AGAP1: variants seen among roughly 807,000 people sequenced by gnomAD.
AGAP1 encodes the protein arf-GAP with GTPase, ANK repeat and PH domain-containing protein 1.
AGAP1 carries 29 observed loss-of-function variants against 105.3 expected under a neutral mutation model. The observed-to-expected ratio is 0.28, with a 90% CI of 0.21 to 0.38. The LOEUF is 0.38. Ranked by LOEUF, AGAP1 falls within the 10% of genes least tolerant of loss-of-function variation. The pLI is 1.00. For missense variants in AGAP1, 998 were observed against 1,165.1 expected (o/e 0.86, Z 2.09); for synonymous variants, 509 against 485.9 (o/e 1.05, Z -0.63).
At chr2:235,516,945 C>G (rs886956471) in intron 1 of AGAP1, among the ~76,000 whole-genome samples, 2 of 152,234 alleles carry the variant, frequency 1.3e-5, no homozygotes, top group African/African-American at 4.8e-5. Context: ...TTTGGCCCTA[C>G]AGGGTAGATC....
At chr2:235,619,759 C>T (rs989369054) in intron 1 of AGAP1, among the ~76,000 whole-genome samples, 10 of 152,220 alleles carry the variant, frequency 6.6e-5, no homozygotes, top group Admixed American at 2.0e-4. Flanking sequence ...CCAGCTTCGG[C>T]GCCCGAATTG....
In AGAP1 at chr2:235,854,110, G is replaced by A. The variant is rs140188952; in HGVS notation, c.1051-29235G>A. Among the ~76,000 whole-genome samples, 917 of 152,286 alleles carry A rather than the reference G, an allele frequency of 6.0e-3. 2 individuals are homozygous for A. The highest frequency in any genetic ancestry group is 0.014 in the Middle Eastern group (4 of 294). On this transcript the variant is annotated intron_variant, in intron 9 of 17. Transcript: ENST00000304032. ...TAAAATCCAAATACTCAGCTAGAGA[G>A]AGTGGAGCCGCTGTGTTGAGACAGG... is the stretch of plus-strand genomic sequence containing the variant.
chr2:235,598,452 C>T (rs180997581), intron 1 of AGAP1, among the ~76,000 whole-genome samples: 1 of 152,304 alleles, frequency 6.6e-6, no homozygotes, highest in East Asian at 1.9e-4. Flanking sequence ...AGGAGCTTAA[C>T]TCTTGTTTAT....
In AGAP1 at chr2:235,566,505, G is replaced by A; in HGVS notation, c.163+71656G>A. The A allele has an allele frequency of 1.1e-5, 10 of 877,244 alleles. No individual in the cohort carries two copies. The South Asian group carries it at 2.6e-4, about 23-fold the overall frequency. The allele number at this position is 877,244 out of a possible 1,614,324, so 54.3% of individuals were successfully genotyped here. A position where few individuals can be genotyped will look rare whatever the true frequency, so the allele number is the denominator to read the frequency against. ...ATTTCCAGATAAGCATTCATAAACA[G>A]TGAAAAGCACAAATCATCAGTGCGC... On this transcript the variant is annotated intron_variant, in intron 1 of 17. Transcript: ENST00000304032. This position sits in a 1 kb window ranked among gnomAD's most constrained non-coding sequence, Gnocchi z 5.2.
chr2:236,111,495 TA>T (rs34157824), intron 16 of AGAP1, among the ~76,000 whole-genome samples: 14,977 of 128,404 alleles, frequency 0.12, 2,436 homozygotes, highest in African/African-American at 0.36. Context: ...GACCCTGTCT[TA>T]AAAAAAAAAA....
rs1197861183 is a variant in AGAP1 at position 235,879,910 on chromosome 2, A to G, written c.1051-3435A>G. 6.6e-6 allele frequency among the ~76,000 whole-genome samples: 1 copy of G among 152,064 alleles called. No homozygotes were observed. The highest frequency in any genetic ancestry group is 2.4e-5 in the African/African-American group (1 of 41,398). On this transcript the variant is annotated intron_variant, in intron 9 of 17. Coordinates refer to ENST00000304032, the MANE Select transcript of AGAP1 (RefSeq NM_001037131.3). The surrounding 1 kb of genome is among the most constrained non-coding windows in gnomAD (Gnocchi z 5.0). Reference sequence around the variant, plus strand: ...AATTGCATCAGTACACTGCACTCCAACCTGGGCAACAGAGCGAGACCTTAT... The same window carrying G: ...AATTGCATCAGTACACTGCACTCCAGCCTGGGCAACAGAGCGAGACCTTAT...
intron 11 of AGAP1, among the ~76,000 whole-genome samples, chr2:235,923,807 G>T (rs2125116796): frequency 6.6e-6 from 1 of 152,294 alleles, no homozygotes; most frequent in Non-Finnish European, 1.5e-5. Flanking sequence ...CCTACTTTTT[G>T]GTGGCCATGT....
At chr2:235,836,388 G>A (rs1471011138) in intron 9 of AGAP1, among the ~76,000 whole-genome samples, 1 of 152,200 alleles carries the variant, frequency 6.6e-6, no homozygotes, top group African/African-American at 2.4e-5. Flanking sequence ...GGGGCCGATA[G>A]AGGAGAAACA....
rs1265920633 is a variant in AGAP1 at position 236,008,279 on chromosome 2, G to A, written c.1646-28282G>A. On this transcript the variant is annotated intron_variant, in intron 13 of 17. Transcript: ENST00000304032. ...CTGTTGTCATATACCCAGAAGTAGG[G>A]GAAGCCCAGGAGCCATGGAGCCTCA... Among the ~76,000 whole-genome samples the A allele has an allele frequency of 4.6e-5, 7 of 152,290 alleles. No individual in the cohort carries two copies. The South Asian group carries it at 1.2e-3, about 27-fold the overall frequency.
At chr2:235,858,833 A>G (rs1382278399) in intron 9 of AGAP1, among the ~76,000 whole-genome samples, 2 of 152,192 alleles carry the variant, frequency 1.3e-5, no homozygotes, top group Non-Finnish European at 2.9e-5. Flanking sequence ...AGGGGCATCA[A>G]AGTTGGTGGT....
intron 16 of AGAP1, among the ~76,000 whole-genome samples, chr2:236,075,106 T>C (rs972981169): frequency 1.3e-5 from 2 of 152,084 alleles, no homozygotes; most frequent in African/African-American, 4.8e-5. Context: ...TCGGTTTACA[T>C]GGCGTCTCAG....
At chr2:235,834,318 C>G (rs1959851156) in intron 9 of AGAP1, among the ~76,000 whole-genome samples, 1 of 152,184 alleles carries the variant, frequency 6.6e-6, no homozygotes, top group South Asian at 2.1e-4. Flanking sequence ...TAGGGACACA[C>G]CAGTGTCAGA....
Position 235,582,326 on chromosome 2 carries a change from T to C in AGAP1, c.163+87477T>C, listed in dbSNP as rs7606624. On this transcript the variant is annotated intron_variant, in intron 1 of 17. Transcript: ENST00000304032. The surrounding 1 kb of genome is among the most constrained non-coding windows in gnomAD (Gnocchi z 4.7). ...GGTGGTGTGGCTCTTTGTGCTGGCATTTAGGGTGTCACTAAAGCCCAAGAC... is the reference window on the plus strand; with the variant it reads ...GGTGGTGTGGCTCTTTGTGCTGGCACTTAGGGTGTCACTAAAGCCCAAGAC... Among the ~76,000 whole-genome samples the C allele has an allele frequency of 0.17, 26,558 of 152,128 alleles. 2,737 individuals carry two copies. The highest frequency in any genetic ancestry group is 0.33 in the East Asian group (1,686 of 5,156).
At chr2:235,746,193 G>A (rs1483831281) in intron 5 of AGAP1, among the ~76,000 whole-genome samples, 1 of 151,756 alleles carries the variant, frequency 6.6e-6, no homozygotes, top group Non-Finnish European at 1.5e-5. Context: ...GCTGAGGCAG[G>A]AGAATCTTTT....
chr2:235,588,844 G>A (rs902484472), intron 1 of AGAP1, among the ~76,000 whole-genome samples: 4 of 152,158 alleles, frequency 2.6e-5, no homozygotes, highest in African/African-American at 9.7e-5. Context: ...TGGGGATTGT[G>A]ATTACTGACG....
intron 10 of AGAP1, among the ~76,000 whole-genome samples, chr2:235,892,389 A>T (rs1575712042): frequency 1.3e-5 from 2 of 152,240 alleles, no homozygotes; most frequent in East Asian, 3.9e-4. Flanking sequence ...GTGTGTCGTC[A>T]AAGTTTGGTT....
chr2:235,514,118 C>T (rs762171590), intron 1 of AGAP1, among the ~76,000 whole-genome samples: 4 of 152,004 alleles, frequency 2.6e-5, no homozygotes, highest in South Asian at 2.1e-4. Flanking sequence ...GCGATTTCCC[C>T]GAGTCTCACC....
intron 1 of AGAP1, among the ~76,000 whole-genome samples, chr2:235,678,491 C>T (rs1256860607): frequency 1.3e-5 from 2 of 152,168 alleles, no homozygotes; most frequent in Non-Finnish European, 2.9e-5. Flanking sequence ...GCTGGCTTCT[C>T]CTATCACTGG....
chr2:236,030,799 G>C (rs895869256), intron 13 of AGAP1, among the ~76,000 whole-genome samples: 2 of 152,184 alleles, frequency 1.3e-5, no homozygotes, highest in African/African-American at 2.4e-5. Context: ...TTCTTACACA[G>C]TAAACTCAGC....
Sources: allele counts gnomAD v4.1 joint callset (sites outside exome capture counted in the v4.1 genomes callset), GRCh38; gene constraint gnomAD v4.1.1; non-coding constraint Gnocchi (gnomAD v3.1); transcripts MANE v1.5; gene names NCBI Gene and HGNC (gene_info 2026-07-23, HGNC 2026-07-21).